GCNA: variants seen among roughly 807,000 people sequenced by gnomAD.
GCNA encodes germ cell nuclear acidic peptidase, also known as germ cell nuclear acidic protein.
In GCNA, 3 loss-of-function variants were observed where a neutral mutation model predicts 38.8. That is an observed-to-expected ratio of 0.08 (90% CI 0.04 to 0.20). GCNA has a LOEUF of 0.20. Ranked by LOEUF, GCNA falls within the 10% of genes least tolerant of loss-of-function variation. The probability of loss-of-function intolerance (pLI) is 1.00; values close to 1 mark genes in which losing one functional copy is unlikely to be tolerated. For missense variants in GCNA, 446 were observed against 578.6 expected (o/e 0.77, Z 2.35); for synonymous variants, 195 against 240.2 (o/e 0.81, Z 1.74).
In GCNA at chrX:71,612,912, A is replaced by T; in HGVS notation, c.2006A>T (p.Lys669Ile). The change falls in exon 13 of 13, where the codon AAA (lysine) becomes ATA (isoleucine). Residue 669 changes from lysine to isoleucine, a missense_variant. Physicochemically the swap from Lys to Ile is moderately radical, Grantham distance 102. This residue lies in a region of GCNA where 34 missense variants were observed against 33.2 expected (regional missense o/e 1.02). Transcript: ENST00000373696. Reference sequence around the variant, plus strand: ...GACACCAGCCGCTTCATCTGTGCCAAATGCAAGGGGTCTCTGGTCATGGTG... The same window carrying T: ...GACACCAGCCGCTTCATCTGTGCCATATGCAAGGGGTCTCTGGTCATGGTG... ...SLDTSRFICA[K>I]CKGSLVMVPL... The T allele has an allele frequency of 5.8e-6, 7 of 1,211,614 alleles. No individual in the cohort carries two copies. Among genetic ancestry groups the T allele is most frequent in the Non-Finnish European group, 7.8e-6 (7 of 895,483 alleles).
At chrX:71,610,433 G>A (rs897149350) in intron 10 of GCNA, among the ~76,000 whole-genome samples, 5 of 111,577 alleles carry the variant, frequency 4.5e-5, no homozygotes, top group Non-Finnish European at 7.5e-5. Context: ...GACCAACATG[G>A]TGAAACCCTG....
intron 2 of GCNA, among the ~76,000 whole-genome samples, chrX:71,587,065 C>G (rs967126247): frequency 8.9e-6 from 1 of 111,855 alleles, no homozygotes; most frequent in Non-Finnish European, 1.9e-5. Flanking sequence ...TGATGCAGCA[C>G]AGAGTGCTGG....
chrX:71,588,632 G>A (rs1039083590), intron 2 of GCNA, among the ~76,000 whole-genome samples: 1 of 111,405 alleles, frequency 9.0e-6, no homozygotes, highest in Non-Finnish European at 1.9e-5. Flanking sequence ...TTCAAGACCA[G>A]CCTGGCCAAC....
chrX:71,607,056 G>A (rs1262142077), intron 9 of GCNA, among the ~76,000 whole-genome samples: 7 of 111,293 alleles, frequency 6.3e-5, no homozygotes, highest in African/African-American at 2.0e-4. Flanking sequence ...GGGTCTTGTC[G>A]GTTCCTCTGA....
chrX:71,586,380 G>T (rs1476412260), intron 2 of GCNA, among the ~76,000 whole-genome samples: 1 of 111,169 alleles, frequency 9.0e-6, no homozygotes, highest in Non-Finnish European at 1.9e-5. Context: ...CATGGAGGAG[G>T]TACATATAAT....
chrX:71,585,032 C>T (rs750996277), intron 2 of GCNA, among the ~76,000 whole-genome samples: 24 of 109,621 alleles, frequency 2.2e-4, no homozygotes, highest in Non-Finnish European at 4.4e-4. Context: ...AAAAGGTGGC[C>T]GAGCCCAGTG....
chrX:71,601,894 T>C (rs775267483), intron 7 of GCNA, among the ~76,000 whole-genome samples: 6 of 112,560 alleles, frequency 5.3e-5, no homozygotes, highest in Non-Finnish European at 9.4e-5. Context: ...TCTTGGCTAT[T>C]GTGAACAGTG....
chrX:71,594,993 C>T, intron 6 of GCNA, among the ~76,000 whole-genome samples: 1 of 108,939 alleles, frequency 9.2e-6, no homozygotes, highest in Non-Finnish European at 1.9e-5. Context: ...TCTAACTGGT[C>T]AGTTTCTTCT....
Position 71,612,974 on chromosome X carries a change from C to T in GCNA, c.2068C>T (p.His690Tyr). 8.3e-7 allele frequency: 1 copy of T among 1,211,415 alleles called. No homozygotes were observed. Reference protein sequence around the residue: ...TQKDGTRIVPHV With the variant: ...TQKDGTRIVPYV The stretch of plus-strand genomic sequence containing the variant: ...GAAAGATGGGACCCGTATTGTGCCC[C>T]ACGTGTGACCATTTGCTGTGTATGT... Residue 690 changes from histidine to tyrosine, a missense_variant, in exon 13 of 13, where the codon CAC becomes TAC. Coordinates refer to ENST00000373696, the MANE Select transcript of GCNA (RefSeq NM_052957.5).
In GCNA at chrX:71,603,665, G is replaced by T. The variant is rs200100539; in HGVS notation, c.388G>T (p.Asp130Tyr). 1 of 1,211,648 alleles carries T rather than the reference G, an allele frequency of 8.3e-7. No homozygotes were observed. The highest frequency in any genetic ancestry group is 1.1e-6 in the Non-Finnish European group (1 of 895,593). The change falls in exon 8 of 13, where the codon GAT becomes TAT. Residue 130 changes from aspartate (D) to tyrosine (Y), a missense_variant. Asp to Tyr is a radical substitution (Grantham distance 160, BLOSUM62 -3). Around this residue, in one of 7 missense-constraint regions of GCNA, gnomAD observed 118 missense variants for 122.8 expected, o/e 0.96. Transcript: ENST00000373696. ...AGTTATTAGTGATGATGACAATGAC[G>T]ATGACAACGGTAATGATTTGGAAGT... ...PIVISDDDND[D>Y]DNGNDLEVPD...
chrX:71,586,953 T>C (rs923046705), intron 2 of GCNA, among the ~76,000 whole-genome samples: 3 of 111,765 alleles, frequency 2.7e-5, no homozygotes, highest in Non-Finnish European at 5.6e-5. Context: ...AGGTGTCAAG[T>C]AGACAGTTTG....
chrX:71,604,699 G>A (rs1288306131), intron 8 of GCNA, 23 bp downstream of exon 8: 1 of 1,205,004 alleles, frequency 8.3e-7, no homozygotes, highest in Admixed American at 2.2e-5. Context: ...TGCCAAGTAT[G>A]CCTGTCCCAC....
intron 6 of GCNA, among the ~76,000 whole-genome samples, 175 bp from the exon 7 acceptor site, chrX:71,597,775 A>T (rs2040682338): frequency 8.9e-6 from 1 of 112,486 alleles, no homozygotes; most frequent in Admixed American, 9.4e-5. Flanking sequence ...AGAGAAAAAG[A>T]TAGAAAATCA....
chrX:71,589,687 G>A (rs6624559), intron 2 of GCNA, among the ~76,000 whole-genome samples: 27,790 of 107,839 alleles, frequency 0.26, 3,785 homozygotes, highest in East Asian at 0.49. Context: ...GCTGGTCTCA[G>A]ACTCCTGACC....
At chrX:71,583,484 G>A (rs2040561479) in intron 2 of GCNA, among the ~76,000 whole-genome samples, 1 of 110,117 alleles carries the variant, frequency 9.1e-6, no homozygotes, top group African/African-American at 3.3e-5. Flanking sequence ...GGGTGTGGAG[G>A]GGATCAGCAA....
chrX:71,612,804 C>T, intron 12 of GCNA, 58 bp from the exon 13 acceptor site: 1 of 1,186,254 alleles, frequency 8.4e-7, no homozygotes, highest in South Asian at 1.8e-5. Context: ...CATCTCAGAG[C>T]TGATGCTGAG....
intron 2 of GCNA, 92 bp downstream of exon 2, chrX:71,580,972 T>G: frequency 2.3e-6 from 2 of 873,034 alleles, no homozygotes; most frequent in Non-Finnish European, 3.2e-6. Context: ...TCCTTTAGTA[T>G]CTGTAGAGCG....
Position 71,610,832 on chromosome X carries a change from G to A in GCNA, c.1750+13G>A, listed in dbSNP as rs764343685. On this transcript the variant is annotated intron_variant, in intron 11 of 12. Coordinates refer to ENST00000373696, the MANE Select transcript of GCNA (RefSeq NM_052957.5). ...TGCGACTCTGCAGGTGATGGCAGGA[G>A]TGTGGTAGCTTCACCACTGTGCTCT... 1.7e-6 allele frequency: 2 copies of A among 1,209,647 alleles called. No individual in the cohort carries two copies. Among genetic ancestry groups the A allele is most frequent in the Admixed American group, 4.4e-5 (2 of 45,781 alleles).
rs371046758 is a variant in GCNA at position 71,589,450 on chromosome X, C to CTTTTTTTTTT, written c.60-2648_60-2639dup. Among the ~76,000 whole-genome samples the CTTTTTTTTTT allele has an allele frequency of 2.9e-4, 11 of 37,698 alleles. 1 individual carries two copies. The highest frequency in any genetic ancestry group is 4.7e-4 in the Non-Finnish European group (10 of 21,423). The allele number at this position is 37,698 out of a possible 115,157, so 32.7% of individuals were successfully genotyped here. A position where few individuals can be genotyped will look rare whatever the true frequency, so the allele number is the denominator to read the frequency against. The stretch of plus-strand genomic sequence containing the variant: ...AGCGTACCTGGCCTGCATATATTTC[C>CTTTTTTTTTT]TTTTTTTTTTTTTTTTTTTTTTTTT... On this transcript the variant is annotated intron_variant, in intron 2 of 12. Transcript: ENST00000373696.
Sources: allele counts gnomAD v4.1 joint callset (sites outside exome capture counted in the v4.1 genomes callset), GRCh38; gene constraint gnomAD v4.1.1; regional missense constraint gnomAD v4.1.1; transcripts MANE v1.5; gene names NCBI Gene and HGNC (gene_info 2026-07-23, HGNC 2026-07-21).